SPDYE14: variants seen among roughly 807,000 people sequenced by gnomAD.
SPDYE14 encodes speedy protein E14.
the SPDYE14 span, among the ~76,000 whole-genome samples, chr7:75,249,283 G>A: frequency 1.9e-5 from 1 of 52,978 alleles, no homozygotes; most frequent in Non-Finnish European, 4.5e-5. Flanking sequence ...ACTAGCAGCA[G>A]ATGCTGGCAC....
the SPDYE14 span, among the ~76,000 whole-genome samples, chr7:75,261,228 CCTCT>C: frequency 1.4e-4 from 10 of 73,562 alleles, no homozygotes; most frequent in African/African-American, 3.3e-4. Context: ...GTTTGTGGCC[CCTCT>C]GTGAATGCTG....
At chr7:75,240,511 A>G in the SPDYE14 span, among the ~76,000 whole-genome samples, 1 of 55,184 alleles carries the variant, frequency 1.8e-5, no homozygotes, top group Non-Finnish European at 4.4e-5. Flanking sequence ...TAGGAGAATC[A>G]CTTGAACCTG....
chr7:75,272,845 C>T, the SPDYE14 span, among the ~76,000 whole-genome samples: 1 of 47,712 alleles, frequency 2.1e-5, no homozygotes, highest in African/African-American at 4.9e-5. Context: ...CAGATGGCAC[C>T]ACTGCACTCC....
the SPDYE14 span, among the ~76,000 whole-genome samples, chr7:75,275,739 TA>T: frequency 0.14 from 2,062 of 14,538 alleles, 460 homozygotes; most frequent in African/African-American, 0.2. Context: ...AAAAATAAAT[TA>T]AAAAAAAAAA....
chr7:75,273,598 T>C, the SPDYE14 span, among the ~76,000 whole-genome samples: 2 of 58,400 alleles, frequency 3.4e-5, 1 homozygote, highest in Non-Finnish European at 8.9e-5. Context: ...CTCAGGTTTT[T>C]CTTTATAGCA....
chr7:75,261,487 G>T, the SPDYE14 span, among the ~76,000 whole-genome samples: 1 of 81,380 alleles, frequency 1.2e-5, no homozygotes, highest in Non-Finnish European at 2.5e-5. Flanking sequence ...TAAAGAGACA[G>T]TGTCTTGCTC....
chr7:75,249,434 CAA>C, the SPDYE14 span, among the ~76,000 whole-genome samples: 15 of 88,752 alleles, frequency 1.7e-4, no homozygotes, highest in Non-Finnish European at 2.7e-4. Context: ...TGGAGGAGGA[CAA>C]AGTTACTTTG....
At chr7:75,260,089 G>A in the SPDYE14 span, among the ~76,000 whole-genome samples, 1 of 64,068 alleles carries the variant, frequency 1.6e-5, no homozygotes, top group African/African-American at 6.5e-5. Flanking sequence ...AACCCAGCAT[G>A]TTGTCAATGG....
the SPDYE14 span, among the ~76,000 whole-genome samples, chr7:75,274,661 A>T: frequency 7.1e-6 from 1 of 140,238 alleles, no homozygotes. Flanking sequence ...GTGCACCACC[A>T]CTCCCGACTA....
the SPDYE14 span, among the ~76,000 whole-genome samples, chr7:75,268,845 CAGAGAGAGAGAGAGAGAGAGAG>C: frequency 1.0e-4 from 1 of 9,612 alleles, no homozygotes; most frequent in Non-Finnish European, 2.4e-4. Context: ...GCACTCCAGC[CAGAGAGAGAGAGAGAGAGAGAG>C]AGAGAGAGAG....
At chr7:75,259,961 A>G in the SPDYE14 span, among the ~76,000 whole-genome samples, 2 of 21,580 alleles carry the variant, frequency 9.3e-5, 1 homozygote, top group Non-Finnish European at 2.9e-4. Flanking sequence ...CTCAAATGAG[A>G]TAACGAAGCA....
At chr7:75,257,379 C>T in the SPDYE14 span, among the ~76,000 whole-genome samples, 3 of 66,830 alleles carry the variant, frequency 4.5e-5, 1 homozygote, top group African/African-American at 1.5e-4. Flanking sequence ...TCTTTCCTGA[C>T]TTATGAAGGA....
chr7:75,279,883 C>T, the SPDYE14 span, among the ~76,000 whole-genome samples: 2 of 34,872 alleles, frequency 5.7e-5, 1 homozygote, highest in Middle Eastern at 0.026. Flanking sequence ...TGTGCCTGGC[C>T]GGAACCCACA....
the SPDYE14 span, among the ~76,000 whole-genome samples, chr7:75,244,036 A>C: frequency 3.1e-5 from 1 of 32,228 alleles, no homozygotes; most frequent in Non-Finnish European, 6.9e-5. Context: ...GGGTTAAATG[A>C]AGGTTGCCAG....
At chr7:75,269,201 A>C in the SPDYE14 span, among the ~76,000 whole-genome samples, 2 of 23,806 alleles carry the variant, frequency 8.4e-5, 1 homozygote, top group African/African-American at 1.7e-4. Flanking sequence ...GAATGAAAAA[A>C]GAAATGAGTG....
chr7:75,241,682 T>A, the SPDYE14 span, among the ~76,000 whole-genome samples: 582 of 21,872 alleles, frequency 0.027, 117 homozygotes, highest in Admixed American at 0.038. Context: ...AAAAAAAAAA[T>A]ATATATATAT....
the SPDYE14 span, among the ~76,000 whole-genome samples, chr7:75,241,697 T>A: frequency 0.056 from 815 of 14,638 alleles, 39 homozygotes; most frequent in Non-Finnish European, 0.064. Context: ...ATATATATAT[T>A]TTTTTTTTTT....
the SPDYE14 span, among the ~76,000 whole-genome samples, chr7:75,275,986 A>G: frequency 0.013 from 137 of 10,662 alleles, 28 homozygotes; most frequent in Non-Finnish European, 0.032. Context: ...CTGGCCAGGC[A>G]TGGTGGCTCA....
At chr7:75,247,557 G>T in the SPDYE14 span, among the ~76,000 whole-genome samples, 1 of 89,800 alleles carries the variant, frequency 1.1e-5, no homozygotes, top group Non-Finnish European at 2.8e-5. Context: ...AGGAAAATAG[G>T]ACATGACATT....
Sources: allele counts gnomAD v4.1 joint callset (sites outside exome capture counted in the v4.1 genomes callset), GRCh38; gene constraint gnomAD v4.1.1; transcripts MANE v1.5; gene names NCBI Gene and HGNC (gene_info 2026-07-23, HGNC 2026-07-21).